TAF4B: variants seen among roughly 807,000 people sequenced by gnomAD.
TAF4B encodes the protein transcription initiation factor TFIID subunit 4B.
Under a neutral mutation model 86.4 loss-of-function variants are expected in TAF4B, and 38 were observed. That is an observed-to-expected ratio of 0.44 (90% CI 0.34 to 0.58). The LOEUF is 0.58. Among genes scored for constraint, TAF4B ranks in the 20% least tolerant of loss-of-function variants. TAF4B has a pLI of 0.02. For missense variants in TAF4B, 988 were observed against 1,027.6 expected (o/e 0.96, Z 0.53); for synonymous variants, 388 against 391.2 (o/e 0.99, Z 0.10).
In TAF4B at chr18:26,285,975, A is replaced by G. The variant is rs777293099; in HGVS notation, c.1066A>G (p.Thr356Ala). ...GACTTCTAGTGACATGGTCATTGCT[A>G]CCTGTACTACAACAGTAACAACTTC... Reference protein sequence around the residue: ...QQTSSDMVIATCTTTVTTSPV... With the variant: ...QQTSSDMVIAACTTTVTTSPV... The change falls in exon 7 of 15, where the codon ACC (threonine) becomes GCC (alanine). Residue 356 changes from threonine to alanine, a missense_variant. Coordinates refer to ENST00000269142, the MANE Select transcript of TAF4B (RefSeq NM_005640.3). The G allele has an allele frequency of 3.1e-6, 5 of 1,614,186 alleles. No individual in the cohort carries two copies. The highest frequency in any genetic ancestry group is 4.2e-6 in the Non-Finnish European group (5 of 1,180,008).
At chr18:26,315,159 T>TCACACACACACACA (rs1415957433) in intron 9 of TAF4B, 70 bp from the exon 10 acceptor site, 21 of 301,520 alleles carry the variant, frequency 7.0e-5, no homozygotes, top group African/African-American at 9.8e-5. Flanking sequence ...TCTCTCTCTC[T>TCACACACACACACA]CTCACACACA....
chr18:26,355,398 C>G (rs1461670156), intron 13 of TAF4B, among the ~76,000 whole-genome samples: 4 of 152,162 alleles, frequency 2.6e-5, no homozygotes, highest in African/African-American at 9.7e-5. Context: ...TTATTGTAGT[C>G]TTTATCCTCG....
At chr18:26,272,575 C>T (rs2056334115) in intron 3 of TAF4B, among the ~76,000 whole-genome samples, 1 of 152,052 alleles carries the variant, frequency 6.6e-6, no homozygotes, top group South Asian at 2.1e-4. Context: ...CCTAAACTCA[C>T]ATTTCAGTTG....
At position 26,319,721 on chromosome 18, in the gene TAF4B, CTCGGAT is replaced by C. The variant is rs536776113; in HGVS notation, c.2003-1347_2003-1342del. On this transcript the variant is annotated intron_variant, in intron 10 of 14. Coordinates refer to ENST00000269142, the MANE Select transcript of TAF4B (RefSeq NM_005640.3). ...TCTCCTGTCTCAACCTCTCGTGTAG[CTCGGAT>C]TACAGGCATGCACCACCACGACCAG... Among the ~76,000 whole-genome samples the C allele has an allele frequency of 1.5e-3, 233 of 152,070 alleles. 1 individual carries two copies. In the Middle Eastern group the frequency reaches 0.017, roughly 11 times the overall value.
chr18:26,349,311 G>A (rs1039657505), intron 13 of TAF4B, among the ~76,000 whole-genome samples: 5 of 151,810 alleles, frequency 3.3e-5, no homozygotes, highest in Admixed American at 3.3e-4. Flanking sequence ...CCGTCTCAAA[G>A]GATTCTTATT....
At position 26,315,143 on chromosome 18, in the gene TAF4B, TCTG is replaced by T. The variant is rs1568147960; in HGVS notation, c.1833-85_1833-83del. 4.0e-4 allele frequency: 118 copies of T among 293,584 alleles called. 1 individual carries two copies. The highest frequency in any genetic ancestry group is 4.3e-4 in the Non-Finnish European group (84 of 193,554). 18.2% of individuals were successfully genotyped at this position (293,584 alleles called of 1,614,324 possible). A position where few individuals can be genotyped will look rare whatever the true frequency, so the allele number is the denominator to read the frequency against. On this transcript the variant is annotated intron_variant, in intron 9 of 14. Coordinates refer to ENST00000269142, the MANE Select transcript of TAF4B (RefSeq NM_005640.3). ...CTCTCTCTCTCTCTCTCTCTCTCTC[TCTG>T]TCTCTCTCTCTCTCTCACACACACA...
intron 14 of TAF4B, among the ~76,000 whole-genome samples, chr18:26,368,544 T>C (rs1326787320): frequency 1.3e-5 from 2 of 152,228 alleles, no homozygotes; most frequent in African/African-American, 2.4e-5. Context: ...TCTACCAGGC[T>C]ACAGGGGACC....
At chr18:26,273,357 T>C (rs1176488298) in intron 3 of TAF4B, among the ~76,000 whole-genome samples, 1 of 152,224 alleles carries the variant, frequency 6.6e-6, no homozygotes, top group African/African-American at 2.4e-5. Context: ...ATTTTTATTA[T>C]GCATTATGAA....
intron 1 of TAF4B, among the ~76,000 whole-genome samples, chr18:26,258,898 T>C (rs1016508039): frequency 1.3e-5 from 2 of 151,634 alleles, no homozygotes; most frequent in African/African-American, 4.8e-5. Context: ...GGGGTCTTGC[T>C]TTGTTGTCCA....
intron 1 of TAF4B, among the ~76,000 whole-genome samples, chr18:26,249,615 G>A (rs758599431): frequency 5.3e-5 from 8 of 152,120 alleles, no homozygotes; most frequent in Non-Finnish European, 7.4e-5. Flanking sequence ...TTATGCACAC[G>A]TTCTCTATTT....
chr18:26,231,274 C>T (rs1464671587), intron 1 of TAF4B, among the ~76,000 whole-genome samples: 3 of 150,530 alleles, frequency 2.0e-5, no homozygotes, highest in Non-Finnish European at 3.0e-5. Flanking sequence ...AACTCCCAGC[C>T]TCAGGTGATC....
At chr18:26,279,824 T>C (rs986418892) in intron 5 of TAF4B, among the ~76,000 whole-genome samples, 3 of 152,120 alleles carry the variant, frequency 2.0e-5, no homozygotes, top group African/African-American at 7.2e-5. Context: ...GGTGGATCGC[T>C]TGCAGTCAGG....
intron 13 of TAF4B, among the ~76,000 whole-genome samples, chr18:26,350,760 G>A (rs8083533): frequency 0.29 from 44,680 of 152,008 alleles, 7,024 homozygotes; most frequent in African/African-American, 0.36. Context: ...CAGCCAACAG[G>A]TATGGGAAGA....
rs143535269 is a variant in TAF4B at position 26,360,438 on chromosome 18, G to A, written c.2421+2644G>A. On this transcript the variant is annotated intron_variant, in intron 14 of 14. Transcript: ENST00000269142. ...TTTTCCCTAGCCCCATTTTCTTTCA[G>A]TTTGTCTGGGCTTTATTCATCTAAA... 2.6e-3 allele frequency among the ~76,000 whole-genome samples: 393 copies of A among 152,054 alleles called. 3 individuals carry two copies. The highest frequency in any genetic ancestry group is 8.9e-3 in the African/African-American group (371 of 41,480).
At chr18:26,260,355 C>T (rs2144524362) in intron 1 of TAF4B, among the ~76,000 whole-genome samples, 1 of 152,222 alleles carries the variant, frequency 6.6e-6, no homozygotes, top group Non-Finnish European at 1.5e-5. Context: ...AAGTCCTTGC[C>T]CATGCCTATG....
At position 26,328,839 on chromosome 18, in the gene TAF4B, C is replaced by T. The variant is rs146112157; in HGVS notation, c.2259+1699C>T. Among the ~76,000 whole-genome samples the T allele has an allele frequency of 2.6e-3, 394 of 152,076 alleles. 2 individuals are homozygous for T. Among genetic ancestry groups the T allele is most frequent in the Non-Finnish European group, 4.4e-3 (301 of 67,974 alleles). On this transcript the variant is annotated intron_variant, in intron 12 of 14. Transcript: ENST00000269142. ...TTCACCATGTTGCCCAGGGTGGTCT[C>T]GAACTCCTGAGCTTGATCCGCCCAC...
At chr18:26,268,079 ACT>A (rs549137451) in intron 3 of TAF4B, among the ~76,000 whole-genome samples, 98 of 152,088 alleles carry the variant, frequency 6.4e-4, no homozygotes, top group African/African-American at 2.3e-3. Flanking sequence ...CTTAATTCCT[ACT>A]CTCTGTTCAG....
intron 13 of TAF4B, among the ~76,000 whole-genome samples, chr18:26,352,295 G>A (rs1461982394): frequency 1.3e-5 from 2 of 151,896 alleles, no homozygotes; most frequent in South Asian, 2.1e-4. Flanking sequence ...TAATGATATA[G>A]GTAAGCTAAA....
chr18:26,356,964 G>A (rs894591548), intron 13 of TAF4B, among the ~76,000 whole-genome samples: 2 of 151,980 alleles, frequency 1.3e-5, no homozygotes, highest in East Asian at 1.9e-4. Context: ...TAAGTATGAC[G>A]AAAGCTGTAC....
Sources: allele counts gnomAD v4.1 joint callset (sites outside exome capture counted in the v4.1 genomes callset), GRCh38; gene constraint gnomAD v4.1.1; transcripts MANE v1.5; gene names NCBI Gene and HGNC (gene_info 2026-07-23, HGNC 2026-07-21).